Variants in TENM2 observed in about 807,000 individuals in gnomAD.
TENM2 encodes teneurin-2.
TENM2 carries 52 observed loss-of-function variants against 245.2 expected under a neutral mutation model. That is an observed-to-expected ratio of 0.21 (90% confidence interval 0.17 to 0.27). The LOEUF is 0.27. TENM2 is among the 10% of genes least tolerant of loss of function. The pLI is 1.00. For synonymous variants in TENM2, 1,363 were observed against 1,438.9 expected, an observed-to-expected ratio of 0.95 and a Z score of 1.19; for missense variants, 3,046 against 3,666.8, an observed-to-expected ratio of 0.83 and a Z score of 4.37.
At position 168,060,814 on chromosome 5, in the gene TENM2, TAGAG is replaced by T. The variant is rs368826595; in HGVS notation, c.1310-1244_1310-1241del. ...AAGTGTCATCTCTCCATTTTACACA[TAGAG>T]AAACTGGGACCAAGAGACAGTGTCA... On this transcript the variant is annotated intron_variant, in intron 6 of 28. Transcript: ENST00000518659. Among the ~76,000 whole-genome samples the T allele has an allele frequency of 2.2e-3, 335 of 152,296 alleles. 3 individuals are homozygous for T. The highest frequency in any genetic ancestry group is 7.6e-3 in the African/African-American group (318 of 41,570).
intron 25 of TENM2, among the ~76,000 whole-genome samples, chr5:168,233,591 C>CTAACT (rs1430780134): frequency 6.6e-6 from 1 of 152,224 alleles, no homozygotes; most frequent in Non-Finnish European, 1.5e-5. Context: ...TGCATTCAGA[C>CTAACT]TAACTTAGAA....
intron 3 of TENM2, among the ~76,000 whole-genome samples, chr5:167,950,470 G>GC (rs1779999506): frequency 6.6e-6 from 1 of 152,070 alleles, no homozygotes; most frequent in Admixed American, 6.5e-5. Flanking sequence ...AGGGTGGGGG[G>GC]CCAGGACAGA....
At chr5:168,245,111 G>A (rs935921260) in intron 26 of TENM2, among the ~76,000 whole-genome samples, 17 of 151,452 alleles carry the variant, frequency 1.1e-4, no homozygotes, top group African/African-American at 3.9e-4. Flanking sequence ...TTTGCCATGA[G>A]ACATCTTAAC....
At chr5:167,538,133 G>T (rs1317296393) in intron 2 of TENM2, among the ~76,000 whole-genome samples, 1 of 152,198 alleles carries the variant, frequency 6.6e-6, no homozygotes, top group Admixed American at 6.5e-5. Flanking sequence ...GTGCCAGAGG[G>T]TTTTTATGAA....
At chr5:167,178,411 G>A in the TENM2 span, among the ~76,000 whole-genome samples, 1 of 152,282 alleles carries the variant, frequency 6.6e-6, no homozygotes, top group Admixed American at 6.5e-5. Flanking sequence ...ACAAGGTGAA[G>A]GAAGTGAGTT....
chr5:167,099,166 A>T, the TENM2 span, among the ~76,000 whole-genome samples: 1 of 152,202 alleles, frequency 6.6e-6, no homozygotes, highest in African/African-American at 2.4e-5. Flanking sequence ...TGGCCAAGTT[A>T]TGTAGCCTCT....
At chr5:167,144,955 C>G in the TENM2 span, among the ~76,000 whole-genome samples, 3 of 152,116 alleles carry the variant, frequency 2.0e-5, no homozygotes, top group Non-Finnish European at 2.9e-5. Context: ...AGGGAGAATC[C>G]TTTCCTTGTC....
intron 2 of TENM2, among the ~76,000 whole-genome samples, chr5:167,479,200 T>C (rs1043731248): frequency 5.3e-5 from 8 of 152,166 alleles, no homozygotes; most frequent in African/African-American, 1.9e-4. Context: ...GTTATCATGG[T>C]TTTTTTGTAA....
At chr5:167,671,746 T>C (rs1461979966) in intron 2 of TENM2, among the ~76,000 whole-genome samples, 1 of 150,048 alleles carries the variant, frequency 6.7e-6, no homozygotes, top group Non-Finnish European at 1.5e-5. Context: ...TATATATATA[T>C]TTATAGCTAC....
chr5:167,913,135 C>T lies in TENM2; in HGVS notation c.712+36940C>T, dbSNP rs565200371. ...CATAATGTTGAGAACCATGGGGGCGCTCACCCAAGCTCCCTGGCCAGCTGG... is the reference window on the plus strand; with the variant it reads ...CATAATGTTGAGAACCATGGGGGCGTTCACCCAAGCTCCCTGGCCAGCTGG... On this transcript the variant is annotated intron_variant, in intron 3 of 28. Transcript: ENST00000518659. Among the ~76,000 whole-genome samples the T allele has an allele frequency of 2.6e-5, 4 of 152,336 alleles. No individual in the cohort carries two copies. In the South Asian group the frequency reaches 8.3e-4, roughly 32 times the overall value.
intron 2 of TENM2, among the ~76,000 whole-genome samples, chr5:167,734,761 C>A (rs1006309565): frequency 1.3e-5 from 2 of 152,130 alleles, no homozygotes; most frequent in African/African-American, 4.8e-5. Flanking sequence ...TGACCTACCG[C>A]CCTCTTTTGC....
chr5:168,000,107 T>G (rs370456270), intron 5 of TENM2, among the ~76,000 whole-genome samples: 7 of 152,234 alleles, frequency 4.6e-5, no homozygotes, highest in East Asian at 3.8e-4. Flanking sequence ...AGAACATCAG[T>G]GTTGACTTCT....
chr5:167,426,473 A>T (rs1397454323), intron 2 of TENM2, among the ~76,000 whole-genome samples: 1 of 148,860 alleles, frequency 6.7e-6, no homozygotes. Context: ...TTTAATTCTT[A>T]CAGGGGTGGG....
intron 1 of TENM2, among the ~76,000 whole-genome samples, chr5:167,366,817 A>T (rs2127284938): frequency 6.6e-6 from 1 of 152,198 alleles, no homozygotes; most frequent in African/African-American, 2.4e-5. Context: ...TTGTTTATGG[A>T]GGAAGAGTCT....
intron 13 of TENM2, among the ~76,000 whole-genome samples, chr5:168,181,816 A>G (rs565502084): frequency 2.1e-4 from 32 of 151,956 alleles, no homozygotes; most frequent in African/African-American, 6.0e-4. Context: ...AGCTGGGACT[A>G]CAGGTGTGCA....
chr5:167,547,892 A>G (rs1344278121), intron 2 of TENM2, among the ~76,000 whole-genome samples: 1 of 152,248 alleles, frequency 6.6e-6, no homozygotes, highest in African/African-American at 2.4e-5. Context: ...GAATAAGAAC[A>G]CATTGGCATC....
intron 27 of TENM2, among the ~76,000 whole-genome samples, chr5:168,250,149 TG>T (rs1766983269): frequency 6.6e-6 from 1 of 150,718 alleles, no homozygotes; most frequent in Non-Finnish European, 1.5e-5. Flanking sequence ...GATGGATGGA[TG>T]GATGGATGGA....
chr5:167,419,572 C>G (rs1476648355), intron 2 of TENM2, among the ~76,000 whole-genome samples: 1 of 152,186 alleles, frequency 6.6e-6, no homozygotes, highest in Non-Finnish European at 1.5e-5. Flanking sequence ...AAAAGCCCTT[C>G]TTGGTCAGAA....
At chr5:168,116,803 A>T (rs962309182) in intron 9 of TENM2, among the ~76,000 whole-genome samples, 1 of 148,452 alleles carries the variant, frequency 6.7e-6, no homozygotes, top group Admixed American at 6.6e-5. Context: ...AGGAAGTGAC[A>T]TGATTAGGTA....
Sources: allele counts gnomAD v4.1 joint callset (sites outside exome capture counted in the v4.1 genomes callset), GRCh38; gene constraint gnomAD v4.1.1; transcripts MANE v1.5; gene names NCBI Gene and HGNC (gene_info 2026-07-23, HGNC 2026-07-21).